TRAPPC9: variants seen among roughly 807,000 people sequenced by gnomAD.
The protein encoded by TRAPPC9 is trafficking protein particle complex subunit 9, also known as IKK2 binding protein.
Under a neutral mutation model 124.0 loss-of-function variants are expected in TRAPPC9, and 83 were observed. That is an observed-to-expected ratio of 0.67 (90% CI 0.56 to 0.80). The LOEUF (loss-of-function observed/expected upper bound fraction) is 0.80. TRAPPC9 is among the 30% of genes least tolerant of loss of function. The pLI is 0.00. For synonymous variants in TRAPPC9, 638 were observed against 617.5 expected (o/e 1.03, Z -0.49); for missense variants, 1,302 against 1,508.3 (o/e 0.86, Z 2.27).
chr8:139,786,518 A>C (rs1001842527), intron 21 of TRAPPC9, among the ~76,000 whole-genome samples: 2 of 152,160 alleles, frequency 1.3e-5, no homozygotes. Flanking sequence ...AAAAAAAAAA[A>C]AATACAACTA....
chr8:139,767,545 G>T (rs765718400), intron 21 of TRAPPC9, among the ~76,000 whole-genome samples: 1 of 152,224 alleles, frequency 6.6e-6, no homozygotes, highest in Non-Finnish European at 1.5e-5. Context: ...AGGTGCATGT[G>T]GGGGTGGAAG....
chr8:139,922,472 G>T (rs141089922), intron 19 of TRAPPC9, among the ~76,000 whole-genome samples: 7 of 152,346 alleles, frequency 4.6e-5, no homozygotes, highest in South Asian at 4.1e-4. Context: ...GTGAGCCACC[G>T]CTCCTGGCCT....
At chr8:140,286,093 G>C (rs920551189) in intron 13 of TRAPPC9, among the ~76,000 whole-genome samples, 1 of 152,242 alleles carries the variant, frequency 6.6e-6, no homozygotes, top group African/African-American at 2.4e-5. Flanking sequence ...CCCATGCCGA[G>C]GAAGGCTCCC....
At chr8:140,427,921 T>C (rs777602357) in intron 4 of TRAPPC9, among the ~76,000 whole-genome samples, 1 of 152,180 alleles carries the variant, frequency 6.6e-6, no homozygotes, top group Non-Finnish European at 1.5e-5. Context: ...ACAAATATCA[T>C]GTATGACCTT....
intron 15 of TRAPPC9, among the ~76,000 whole-genome samples, chr8:140,255,327 A>G (rs770017599): frequency 6.6e-6 from 1 of 152,226 alleles, no homozygotes; most frequent in African/African-American, 2.4e-5. Flanking sequence ...AGGTTAGCAT[A>G]TGTAACAGGT....
chr8:139,817,174 G>T (rs182414270), intron 21 of TRAPPC9, among the ~76,000 whole-genome samples: 1 of 152,024 alleles, frequency 6.6e-6, no homozygotes, highest in Non-Finnish European at 1.5e-5. Flanking sequence ...TGCAGGGGCC[G>T]CTGGAGCAGG....
At chr8:139,780,721 C>T (rs976816765) in intron 21 of TRAPPC9, among the ~76,000 whole-genome samples, 3 of 151,712 alleles carry the variant, frequency 2.0e-5, no homozygotes, top group African/African-American at 7.3e-5. Flanking sequence ...TTAAAGACAC[C>T]ACCAAGAGAA....
intron 17 of TRAPPC9, among the ~76,000 whole-genome samples, chr8:140,180,679 ATTT>A (rs11292362): frequency 2.8e-4 from 39 of 138,124 alleles, no homozygotes; most frequent in African/African-American, 2.9e-4. Context: ...GTTAACAGCT[ATTT>A]TTTTTTTTTT....
chr8:140,230,367 G>C (rs1325728301), intron 16 of TRAPPC9, among the ~76,000 whole-genome samples: 1 of 152,190 alleles, frequency 6.6e-6, no homozygotes, highest in Non-Finnish European at 1.5e-5. Context: ...CCAGCACTTT[G>C]GGAGGCCAAG....
chr8:140,068,031 A>G (rs1228912707), intron 17 of TRAPPC9, among the ~76,000 whole-genome samples: 3 of 152,024 alleles, frequency 2.0e-5, no homozygotes, highest in Non-Finnish European at 2.9e-5. Context: ...TGTTGCCCGT[A>G]TTGCTTCTGA....
intron 18 of TRAPPC9, among the ~76,000 whole-genome samples, chr8:139,996,010 A>C (rs1000118144): frequency 2.6e-5 from 4 of 151,708 alleles, no homozygotes; most frequent in African/African-American, 9.7e-5. Context: ...ATGAGGAAAA[A>C]GTAAGTAACA....
At chr8:140,033,659 T>TGTTTTG (rs1563706560) in intron 17 of TRAPPC9, among the ~76,000 whole-genome samples, 1 of 20,170 alleles carries the variant, frequency 5.0e-5, no homozygotes, top group Admixed American at 4.9e-4. Flanking sequence ...CATAATGTGG[T>TGTTTTG]TTTTTTTTTT....
chr8:139,934,502 C>T (rs1020273338), intron 19 of TRAPPC9, among the ~76,000 whole-genome samples: 18 of 152,230 alleles, frequency 1.2e-4, no homozygotes, highest in Non-Finnish European at 2.9e-5. Flanking sequence ...TGCTGACTGG[C>T]TTTCCTGGTG....
chr8:140,237,497 A>C (rs931957707), intron 16 of TRAPPC9, among the ~76,000 whole-genome samples: 1 of 152,026 alleles, frequency 6.6e-6, no homozygotes, highest in Admixed American at 6.6e-5. Context: ...CTGTAAGTCC[A>C]GTTAAATCTC....
chr8:140,124,704 GGGGGAGGACCCTCCGA>G (rs1384017407), intron 17 of TRAPPC9, among the ~76,000 whole-genome samples: 2 of 143,222 alleles, frequency 1.4e-5, no homozygotes, highest in East Asian at 3.9e-4. Flanking sequence ...AGACCCTCGC[GGGGGAGGACCCTCCGA>G]GGGGAGGACC....
intron 21 of TRAPPC9, among the ~76,000 whole-genome samples, chr8:139,848,985 C>A (rs1004928794): frequency 6.6e-6 from 1 of 152,224 alleles, no homozygotes; most frequent in African/African-American, 2.4e-5. Flanking sequence ...CTGGTCAATT[C>A]AGAACACTCA....
At chr8:139,976,201 T>C (rs1034666113) in intron 19 of TRAPPC9, among the ~76,000 whole-genome samples, 2 of 152,116 alleles carry the variant, frequency 1.3e-5, no homozygotes, top group African/African-American at 4.8e-5. Flanking sequence ...AGGGTTTTTT[T>C]TAACACCCCA....
intron 9 of TRAPPC9, among the ~76,000 whole-genome samples, chr8:140,348,876 G>A (rs375998862): frequency 2.0e-5 from 3 of 152,152 alleles, no homozygotes; most frequent in Non-Finnish European, 4.4e-5. Flanking sequence ...AAGCCCTGAC[G>A]CAAGCGCCCA....
At position 140,221,610 on chromosome 8, in the gene TRAPPC9, G is replaced by A. The variant is rs199651119; in HGVS notation, c.2432-27C>T. On this transcript the variant is annotated intron_variant, in intron 16 of 22. Coordinates refer to ENST00000438773, the MANE Select transcript of TRAPPC9 (RefSeq NM_001160372.4). ...TACAAAATAAGAACAAAAATCATAA[G>A]TAACACGTCAGCTTGGTTTTGGGGT... is the stretch of plus-strand genomic sequence containing the variant. 1,311 of 1,607,732 alleles carry A rather than the reference G, an allele frequency of 8.2e-4. 3 individuals carry two copies. The highest frequency in any genetic ancestry group is 9.5e-4 in the Non-Finnish European group (1,123 of 1,176,372).
Sources: allele counts gnomAD v4.1 joint callset (sites outside exome capture counted in the v4.1 genomes callset), GRCh38; gene constraint gnomAD v4.1.1; transcripts MANE v1.5; gene names NCBI Gene and HGNC (gene_info 2026-07-23, HGNC 2026-07-21).